The following UMAD1 variants were observed in gnomAD, a reference collection of about 807,000 sequenced individuals.
The protein encoded by UMAD1 is UBAP1-MVB12-associated (UMA)-domain containing protein 1.
Under a neutral mutation model 6.1 loss-of-function variants are expected in UMAD1, and 8 were observed. The ratio of observed to expected loss-of-function variants is 1.30; its 90% CI spans 0.76 to 2.35. The LOEUF (loss-of-function observed/expected upper bound fraction) is 2.35. Among genes scored for constraint, UMAD1 ranks in the 30% most tolerant of loss-of-function variants. UMAD1 has a pLI of 0.00. For synonymous variants in UMAD1, 56 were observed against 31.4 expected (o/e 1.78, Z -2.61); for missense variants, 130 against 78.4 (o/e 1.66, Z -2.49).
At chr7:7,650,700 C>G (rs28916281) in intron 1 of UMAD1, among the ~76,000 whole-genome samples, 2 of 152,230 alleles carry the variant, frequency 1.3e-5, no homozygotes, top group African/African-American at 4.8e-5. Context: ...GCCAAACGCA[C>G]CTTGATTTAC....
At chr7:7,791,858 T>A (rs1178534415) in intron 2 of UMAD1, among the ~76,000 whole-genome samples, 1 of 152,226 alleles carries the variant, frequency 6.6e-6, no homozygotes, top group Non-Finnish European at 1.5e-5. Context: ...GCAATCACAT[T>A]TAAAATCTAA....
rs555643661 is a variant in UMAD1 at position 7,797,525 on chromosome 7, C to A, written c.83-4145C>A. On this transcript the variant is annotated intron_variant, in intron 2 of 3. Coordinates refer to ENST00000682710, the MANE Select transcript of UMAD1 (RefSeq NM_001302348.2). The stretch of plus-strand genomic sequence containing the variant: ...ACCTAAGTAGGTATTTGGTTCTTCT[C>A]CCATCACTGGAAATTTCTGTCCTGT... Among the ~76,000 whole-genome samples, 4 of 152,118 alleles carry A rather than the reference C, an allele frequency of 2.6e-5. No homozygotes were observed. In the East Asian group the frequency reaches 7.7e-4, roughly 29 times the overall value.
chr7:7,666,037 G>T (rs1196233680), intron 1 of UMAD1, among the ~76,000 whole-genome samples: 1 of 152,064 alleles, frequency 6.6e-6, no homozygotes, highest in Non-Finnish European at 1.5e-5. Context: ...TAAGGGCTAA[G>T]TTATATGGTG....
At chr7:7,697,824 C>A (rs1035996359) in intron 2 of UMAD1, among the ~76,000 whole-genome samples, 1 of 152,110 alleles carries the variant, frequency 6.6e-6, no homozygotes, top group Non-Finnish European at 1.5e-5. Context: ...ATCCATCTTC[C>A]AATTTGAGAC....
intron 2 of UMAD1, among the ~76,000 whole-genome samples, chr7:7,800,030 T>C (rs185431322): frequency 6.6e-6 from 1 of 152,158 alleles, no homozygotes; most frequent in Non-Finnish European, 1.5e-5. Flanking sequence ...ATTACAGGCA[T>C]GTGCCACCAT....
At chr7:7,857,145 A>C (rs144382884) in intron 3 of UMAD1, among the ~76,000 whole-genome samples, 76 of 152,342 alleles carry the variant, frequency 5.0e-4, no homozygotes, top group African/African-American at 1.8e-3. Flanking sequence ...TAAAAAATCA[A>C]CTGTACTCTT....
chr7:7,662,677 G>C (rs1024023153), intron 1 of UMAD1, among the ~76,000 whole-genome samples: 2 of 152,088 alleles, frequency 1.3e-5, no homozygotes, highest in Non-Finnish European at 2.9e-5. Flanking sequence ...GAGATGAGCC[G>C]GGTACCTCAG....
At chr7:7,641,823 G>C (rs1784980067) in intron 1 of UMAD1, 1 of 152,192 alleles carries the variant, frequency 6.6e-6, no homozygotes, top group Non-Finnish European at 1.5e-5. Context: ...AAGCAAAAAA[G>C]ATCCGATTTG....
intron 2 of UMAD1, among the ~76,000 whole-genome samples, chr7:7,703,235 A>G (rs1780512673): frequency 6.6e-6 from 1 of 152,198 alleles, no homozygotes; most frequent in South Asian, 2.1e-4. Context: ...GATTTTAAAA[A>G]TGTGCTTACA....
intron 2 of UMAD1, among the ~76,000 whole-genome samples, chr7:7,799,107 T>C (rs1271544218): frequency 6.6e-6 from 1 of 152,234 alleles, no homozygotes; most frequent in African/African-American, 2.4e-5. Context: ...ATTTAACTTT[T>C]ATATGGATTA....
At chr7:7,869,705 A>G (rs970072548) in intron 3 of UMAD1, among the ~76,000 whole-genome samples, 11 of 152,230 alleles carry the variant, frequency 7.2e-5, no homozygotes, top group Non-Finnish European at 1.6e-4. Flanking sequence ...AGCTAAGTAG[A>G]TGAGGTCTCC....
chr7:7,718,343 C>G (rs1352033458), intron 2 of UMAD1, among the ~76,000 whole-genome samples: 1 of 152,142 alleles, frequency 6.6e-6, no homozygotes, highest in African/African-American at 2.4e-5. Context: ...ATAGTGAGGG[C>G]ATGGGTTGTC....
At chr7:7,856,555 T>C (rs1490781077) in intron 3 of UMAD1, among the ~76,000 whole-genome samples, 8 of 152,202 alleles carry the variant, frequency 5.3e-5, no homozygotes, top group Non-Finnish European at 7.4e-5. Flanking sequence ...CAAGATGAGA[T>C]TTTGGATGGC....
At chr7:7,785,674 A>G (rs1782448644) in intron 2 of UMAD1, among the ~76,000 whole-genome samples, 1 of 152,204 alleles carries the variant, frequency 6.6e-6, no homozygotes, top group East Asian at 1.9e-4. Context: ...CCTAAACTTG[A>G]GTAGAGTCAG....
In UMAD1 at chr7:7,698,438, T is replaced by C. The variant is rs567225693; in HGVS notation, c.82+24985T>C. Reference sequence around the variant, plus strand: ...AGCTGTAAGTTGACTTTCAGTGTTTTTACAGCTTAGCCTTTTCCTTAGAAG... The same window carrying C: ...AGCTGTAAGTTGACTTTCAGTGTTTCTACAGCTTAGCCTTTTCCTTAGAAG... On this transcript the variant is annotated intron_variant, in intron 2 of 3. Coordinates refer to ENST00000682710, the MANE Select transcript of UMAD1 (RefSeq NM_001302348.2). Among the ~76,000 whole-genome samples the C allele has an allele frequency of 1.1e-4, 16 of 152,360 alleles. No individual in the cohort carries two copies. The South Asian group carries it at 3.1e-3, about 30-fold the overall frequency.
chr7:7,834,028 T>TC, intron 3 of UMAD1, among the ~76,000 whole-genome samples: 1 of 143,210 alleles, frequency 7.0e-6, no homozygotes, highest in East Asian at 2.0e-4. Flanking sequence ...TTTTTTTTTT[T>TC]TTTTTTTTTT....
Position 7,642,315 on chromosome 7 carries a change from T to TG in UMAD1, c.-64+1494_-64+1495insG, listed in dbSNP as rs200581886. Reference sequence around the variant, plus strand: ...ACACCCAGCTAATAAAGATTTTTTTTTTGTTGTTTGTTTTTTTTTGTTCAG... The same window carrying TG: ...ACACCCAGCTAATAAAGATTTTTTTTGTTGTTGTTTGTTTTTTTTTGTTCAG... On this transcript the variant is annotated intron_variant, in intron 1 of 3. Coordinates refer to ENST00000682710, the MANE Select transcript of UMAD1 (RefSeq NM_001302348.2). Among the ~76,000 whole-genome samples, 509 of 151,782 alleles carry TG rather than the reference T, an allele frequency of 3.4e-3. 2 individuals are homozygous for TG. The highest frequency in any genetic ancestry group is 6.5e-3 in the African/African-American group (269 of 41,468).
intron 3 of UMAD1, among the ~76,000 whole-genome samples, chr7:7,809,219 C>T (rs1782979076): frequency 6.6e-6 from 1 of 151,884 alleles, no homozygotes; most frequent in South Asian, 2.1e-4. Context: ...TTTGTTTATT[C>T]AGGTAATTTC....
intron 3 of UMAD1, among the ~76,000 whole-genome samples, chr7:7,803,818 C>T (rs1297905392): frequency 6.6e-6 from 1 of 152,064 alleles, no homozygotes; most frequent in African/African-American, 2.4e-5. Context: ...CCTCCCACCC[C>T]CTAATACAGT....
Sources: allele counts gnomAD v4.1 joint callset (sites outside exome capture counted in the v4.1 genomes callset), GRCh38; gene constraint gnomAD v4.1.1; transcripts MANE v1.5; gene names NCBI Gene and HGNC (gene_info 2026-07-23, HGNC 2026-07-21).